The following NEK1 variants were observed in gnomAD, a reference collection of about 807,000 sequenced individuals.
NEK1 encodes the protein NIMA related kinase 1.
In NEK1, 137 loss-of-function variants were observed where a neutral mutation model predicts 182.1. That is an observed-to-expected ratio of 0.75 (90% confidence interval 0.65 to 0.87). The LOEUF (loss-of-function observed/expected upper bound fraction) is 0.87, where lower values mean the gene tolerates loss of function less well. Among genes scored for constraint, NEK1 ranks in the 40% least tolerant of loss-of-function variants. NEK1 has a pLI of 0.00. For missense variants in NEK1, 1,391 were observed against 1,494.4 expected, an observed-to-expected ratio of 0.93 and a Z score of 1.14; for synonymous variants, 513 against 492.2, an observed-to-expected ratio of 1.04 and a Z score of -0.56.
intron 27 of NEK1, among the ~76,000 whole-genome samples, chr4:169,442,150 C>T (rs938046891): frequency 6.6e-6 from 1 of 152,178 alleles, no homozygotes; most frequent in Non-Finnish European, 1.5e-5. Flanking sequence ...CAAGGATTAC[C>T]TGGACCCACT....
At chr4:169,433,275 G>A (rs913387444) in intron 29 of NEK1, among the ~76,000 whole-genome samples, 4 of 152,288 alleles carry the variant, frequency 2.6e-5, no homozygotes, top group Middle Eastern at 3.4e-3. Flanking sequence ...GGCCAGGCTG[G>A]TCTTGAACTC....
At chr4:169,504,716 T>C (rs11946538) in intron 23 of NEK1, among the ~76,000 whole-genome samples, 14,756 of 152,160 alleles carry the variant, frequency 0.097, 796 homozygotes, top group East Asian at 0.17. Context: ...CGGAACATGA[T>C]TGTTATCAAA....
Position 169,555,865 on chromosome 4 carries a change from T to G in NEK1, c.1431-14A>C. 1 of 1,613,860 alleles carries G rather than the reference T, an allele frequency of 6.2e-7. No individual in the cohort carries two copies. Among genetic ancestry groups the G allele is most frequent in the Non-Finnish European group, 8.5e-7 (1 of 1,179,800 alleles). ...GGCAGAATTCCTCTGTAGATAAATA[T>G]GCACAGTGACTTTCATTACTATCTC... is the stretch of plus-strand genomic sequence containing the variant. On this transcript the variant is annotated splice_polypyrimidine_tract_variant and intron_variant, in intron 17 of 35. Coordinates refer to ENST00000507142, the MANE Select transcript of NEK1 (RefSeq NM_001199397.3).
chr4:169,483,702 T>C (rs1283336447), intron 23 of NEK1, among the ~76,000 whole-genome samples: 2 of 151,750 alleles, frequency 1.3e-5, no homozygotes, highest in Non-Finnish European at 2.9e-5. Flanking sequence ...CTCTCTCTAC[T>C]AAAAATACAA....
At chr4:169,532,698 G>A (rs34958893) in intron 19 of NEK1, among the ~76,000 whole-genome samples, 1 of 152,062 alleles carries the variant, frequency 6.6e-6, no homozygotes, top group Non-Finnish European at 1.5e-5. Context: ...CCAGCACTTA[G>A]GGAGGCTGAG....
intron 5 of NEK1, among the ~76,000 whole-genome samples, chr4:169,593,308 A>G (rs972898812): frequency 3.3e-5 from 5 of 152,222 alleles, no homozygotes; most frequent in African/African-American, 1.2e-4. Flanking sequence ...TTATAAGCAA[A>G]CAATTAAGTT....
rs984569595 is a variant in NEK1 at position 169,438,994 on chromosome 4, C to T, written c.2588-735G>A. Among the ~76,000 whole-genome samples the T allele has an allele frequency of 1.9e-4, 29 of 152,176 alleles. No individual in the cohort carries two copies. The Middle Eastern group carries it at 0.017, about 89-fold the overall frequency. On this transcript the variant is annotated intron_variant, in intron 27 of 35. Transcript: ENST00000507142. Reference sequence around the variant, plus strand: ...CTCTAACACTCATTTTCCACTTCTCCGCCTCTACAACTCCAACTCTAAAAA... The same window carrying T: ...CTCTAACACTCATTTTCCACTTCTCTGCCTCTACAACTCCAACTCTAAAAA...
Position 169,443,401 on chromosome 4 carries a change from G to C in NEK1, c.2588-5142C>G, listed in dbSNP as rs533352689. Among the ~76,000 whole-genome samples, 8 of 104,074 alleles carry C rather than the reference G, an allele frequency of 7.7e-5. No individual in the cohort carries two copies. The East Asian group carries it at 2.2e-3, about 29-fold the overall frequency. 68.3% of individuals were successfully genotyped at this position (104,074 alleles called of 152,430 possible). ...CAATGAATTAAATAAAATTACAACT[G>C]AGAGCTTCAACAATAGACTAAACAG... On this transcript the variant is annotated intron_variant, in intron 27 of 35. Transcript: ENST00000507142.
chr4:169,458,076 TA>T (rs997160482), intron 27 of NEK1, among the ~76,000 whole-genome samples: 2 of 151,970 alleles, frequency 1.3e-5, no homozygotes, highest in African/African-American at 4.8e-5. Context: ...TATATGGATA[TA>T]CAAAAGACCC....
intron 23 of NEK1, among the ~76,000 whole-genome samples, chr4:169,504,703 A>T (rs1038583174): frequency 2.0e-5 from 3 of 152,220 alleles, no homozygotes; most frequent in Non-Finnish European, 2.9e-5. Context: ...GAATTCATGG[A>T]AACGGAACAT....
rs1762924234 is a variant in NEK1 at position 169,561,676 on chromosome 4, T to TA, written c.1191+10dup. 1.3e-6 allele frequency: 2 copies of TA among 1,565,834 alleles called. No individual in the cohort carries two copies. Among genetic ancestry groups the TA allele is most frequent in the Admixed American group, 3.8e-5 (2 of 53,236 alleles). On this transcript the variant is annotated intron_variant, in intron 15 of 35. Coordinates refer to ENST00000507142, the MANE Select transcript of NEK1 (RefSeq NM_001199397.3). Reference sequence around the variant, plus strand: ...TAAGAAAAAAGTATATTTAATAGATTATCCTCTTACCCTTTCCTTTTCTTG... The same window carrying TA: ...TAAGAAAAAAGTATATTTAATAGATTAATCCTCTTACCCTTTCCTTTTCTTG...
chr4:169,503,068 T>C (rs11734380), intron 23 of NEK1, among the ~76,000 whole-genome samples: 13,506 of 152,128 alleles, frequency 0.089, 787 homozygotes, highest in African/African-American at 0.16. Flanking sequence ...TCAGTAGTAT[T>C]TCTATACTCC....
chr4:169,540,827 T>C (rs1580598214), intron 18 of NEK1, among the ~76,000 whole-genome samples: 1 of 151,646 alleles, frequency 6.6e-6, no homozygotes, highest in Non-Finnish European at 1.5e-5. Context: ...AACAGAAGTA[T>C]AGTGTTCTTT....
Position 169,479,388 on chromosome 4 carries a change from T to C in NEK1, c.2139+15A>G. ...TCTTTTGACTTTGAGGAGTTCTGAA[T>C]CTTAGGAAACTTACCACGCCAACTT... On this transcript the variant is annotated intron_variant, in intron 24 of 35. Transcript: ENST00000507142. 1.9e-6 allele frequency: 3 copies of C among 1,604,860 alleles called. No individual in the cohort carries two copies. Among genetic ancestry groups the C allele is most frequent in the Non-Finnish European group, 2.6e-6 (3 of 1,175,802 alleles).
intron 9 of NEK1, among the ~76,000 whole-genome samples, chr4:169,586,992 G>T (rs1191136134): frequency 6.6e-6 from 1 of 151,910 alleles, no homozygotes; most frequent in Non-Finnish European, 1.5e-5. Context: ...GGTAAAAAAT[G>T]TTAATCACTT....
rs1580779722 is a variant in NEK1, at chr4:169,561,908, A to G, written c.1081-17T>C. 1.3e-6 allele frequency: 2 copies of G among 1,581,742 alleles called. No homozygotes were observed. Among genetic ancestry groups the G allele is most frequent in the Non-Finnish European group, 1.7e-6 (2 of 1,161,052 alleles). On this transcript the variant is annotated splice_polypyrimidine_tract_variant and intron_variant, in intron 13 of 35. Coordinates refer to ENST00000507142, the MANE Select transcript of NEK1 (RefSeq NM_001199397.3). ...TGCTGCTTCCTTAAATAAAAAAAAG[A>G]ACATTTTAATCCATAATAATTCCTG...
intron 27 of NEK1, among the ~76,000 whole-genome samples, chr4:169,445,842 C>CTATATATATATATATATATATATA (rs1206499120): frequency 1.8e-5 from 2 of 108,534 alleles, no homozygotes; most frequent in African/African-American, 9.6e-5. Flanking sequence ...AACAAAACAA[C>CTATATATATATATATATATATATA]TATATACATA....
In NEK1 at chr4:169,537,759, A is replaced by T. The variant is rs758694174; in HGVS notation, c.1665+50T>A. 36 of 1,346,716 alleles carry T rather than the reference A, an allele frequency of 2.7e-5. No homozygotes were observed. The South Asian group carries it at 3.0e-4, about 11-fold the overall frequency. 83.4% of individuals were successfully genotyped at this position (1,346,716 alleles called of 1,614,324 possible). ...TACACTTACCTTATTCCAGACCTTC[A>T]CTTGGAATACTAATACATTCAAAAT... is the stretch of plus-strand genomic sequence containing the variant. On this transcript the variant is annotated intron_variant, in intron 19 of 35. Transcript: ENST00000507142.
chr4:169,467,687 G>A (rs1264471064), intron 26 of NEK1, among the ~76,000 whole-genome samples: 3 of 152,022 alleles, frequency 2.0e-5, no homozygotes, highest in African/African-American at 7.2e-5. Flanking sequence ...AAATTGAGGA[G>A]CATCTGGATT....
Sources: allele counts gnomAD v4.1 joint callset (sites outside exome capture counted in the v4.1 genomes callset), GRCh38; gene constraint gnomAD v4.1.1; transcripts MANE v1.5; gene names NCBI Gene and HGNC (gene_info 2026-07-23, HGNC 2026-07-21).